RYR2: variants seen among roughly 807,000 people sequenced by gnomAD.
RYR2 encodes the protein cardiac muscle ryanodine receptor-calcium release channel.
A neutral mutation model predicts 601.1 loss-of-function variants in RYR2; 227 were observed. That is an observed-to-expected ratio of 0.38 (90% CI 0.34 to 0.42). The LOEUF (loss-of-function observed/expected upper bound fraction) is 0.42, where lower values mean the gene tolerates loss of function less well. Ranked by LOEUF, RYR2 falls within the 10% of genes least tolerant of loss-of-function variation. The pLI, the probability that RYR2 is intolerant of heterozygous loss-of-function variation, is 1.00. For missense variants in RYR2, 4,646 were observed against 6,156.5 expected (o/e 0.75, Z 8.21); for synonymous variants, 2,223 against 2,175.1 (o/e 1.02, Z -0.61).
chr1:237,817,888 C>T (rs541601909), intron 100 of RYR2, among the ~76,000 whole-genome samples: 1 of 152,274 alleles, frequency 6.6e-6, no homozygotes, highest in Non-Finnish European at 1.5e-5. Flanking sequence ...TCCATTAAGT[C>T]AGGGTATCTG....
intron 74 of RYR2, 73 bp downstream of exon 74, chr1:237,723,335 A>T (rs1689908940): frequency 8.1e-7 from 1 of 1,228,516 alleles, no homozygotes; most frequent in South Asian, 1.4e-5. Context: ...AATGTGTGTT[A>T]ATTTGTTAAC....
rs564513862 is a variant in RYR2 at position 237,354,620 on chromosome 1, C to T, written c.274-1345C>T. Reference sequence around the variant, plus strand: ...GCACAATTGCACTGTGCTGGACATGCCTTTTTTGCTTCTGTTTGCCCCAGG... The same window carrying T: ...GCACAATTGCACTGTGCTGGACATGTCTTTTTTGCTTCTGTTTGCCCCAGG... On this transcript the variant is annotated intron_variant, in intron 3 of 104. Transcript: ENST00000366574. Among the ~76,000 whole-genome samples the T allele has an allele frequency of 5.9e-5, 9 of 152,106 alleles. No individual in the cohort carries two copies. In the East Asian group the frequency reaches 1.6e-3, roughly 26 times the overall value.
At chr1:237,157,693 C>T (rs185487689) in intron 1 of RYR2, among the ~76,000 whole-genome samples, 26 of 152,058 alleles carry the variant, frequency 1.7e-4, no homozygotes, top group African/African-American at 4.8e-4. Context: ...ATTGATCTCA[C>T]GGAGATAGTG....
chr1:237,503,187 TA>T, intron 21 of RYR2, 101 bp from the exon 22 acceptor site: 1 of 1,037,942 alleles, frequency 9.6e-7, no homozygotes, highest in Non-Finnish European at 1.4e-6. Context: ...TGGCTTCTGA[TA>T]AAATACTTTT....
intron 1 of RYR2, among the ~76,000 whole-genome samples, chr1:237,161,357 GA>G (rs11302666): frequency 0.64 from 95,850 of 150,910 alleles, 30,447 homozygotes; most frequent in Non-Finnish European, 0.66. Flanking sequence ...AATTTTGGGG[GA>G]AAAAAAAAGA....
intron 23 of RYR2, among the ~76,000 whole-genome samples, chr1:237,508,734 C>CTTTTT (rs869044432): frequency 2.6e-5 from 2 of 77,640 alleles, no homozygotes; most frequent in Non-Finnish European, 5.0e-5. Context: ...TTCGGGTTTT[C>CTTTTT]TTTTTTTTTT....
intron 78 of RYR2, 52 bp downstream of exon 78, chr1:237,732,201 C>A (rs1271025018): frequency 9.6e-7 from 1 of 1,043,508 alleles, no homozygotes; most frequent in Non-Finnish European, 1.5e-6. Context: ...TAAAGACACC[C>A]GTGTCTGAGT....
rs759371969 is a variant in RYR2, at chr1:237,585,487, C to T, written c.3599-4306C>T. ...TCATGTACTGAACAAAGGGAGGTGA[C>T]GGAGGCCTGGCCCTTTCTCTGTGTG... On this transcript the variant is annotated intron_variant, in intron 29 of 104. Coordinates refer to ENST00000366574, the MANE Select transcript of RYR2 (RefSeq NM_001035.3). 3.9e-4 allele frequency among the ~76,000 whole-genome samples: 59 copies of T among 152,218 alleles called. 1 individual carries two copies. The highest frequency in any genetic ancestry group is 3.4e-3 in the Middle Eastern group (1 of 294).
chr1:237,508,474 A>C (rs1297107820), intron 23 of RYR2, among the ~76,000 whole-genome samples: 1 of 149,696 alleles, frequency 6.7e-6, no homozygotes, highest in Admixed American at 6.7e-5. Context: ...AAAAAAAAAC[A>C]AACAAAATGT....
At position 237,689,366 on chromosome 1, in the gene RYR2, G is replaced by T. The variant is rs115320084; in HGVS notation, c.9067+1862G>T. Reference sequence around the variant, plus strand: ...CCAAGACATAGAACGTTTCCAACATGCCAGGAGCCTCCCCTGTGTCATTTT... The same window carrying T: ...CCAAGACATAGAACGTTTCCAACATTCCAGGAGCCTCCCCTGTGTCATTTT... On this transcript the variant is annotated intron_variant, in intron 63 of 104. Transcript: ENST00000366574. Among the ~76,000 whole-genome samples, 395 of 152,280 alleles carry T rather than the reference G, an allele frequency of 2.6e-3. 2 individuals carry two copies. Among genetic ancestry groups the T allele is most frequent in the Middle Eastern group, 6.8e-3 (2 of 294 alleles).
intron 71 of RYR2, among the ~76,000 whole-genome samples, chr1:237,716,355 C>T (rs1689263326): frequency 6.6e-6 from 1 of 151,938 alleles, no homozygotes. Context: ...AAATATTTTT[C>T]ATTATCATTT....
intron 78 of RYR2, among the ~76,000 whole-genome samples, chr1:237,732,409 G>A (rs575979311): frequency 7.9e-5 from 12 of 152,256 alleles, no homozygotes; most frequent in Admixed American, 3.3e-4. Context: ...TTCTTCTTAT[G>A]AAATGGTTTT....
chr1:237,113,736 T>C (rs1481291178), intron 1 of RYR2, among the ~76,000 whole-genome samples: 1 of 152,164 alleles, frequency 6.6e-6, no homozygotes, highest in Admixed American at 6.6e-5. Flanking sequence ...AGCAAAGGGA[T>C]AGAGAGCTAC....
intron 95 of RYR2, among the ~76,000 whole-genome samples, chr1:237,794,408 A>C (rs1414358461): frequency 6.6e-6 from 1 of 152,180 alleles, no homozygotes; most frequent in African/African-American, 2.4e-5. Flanking sequence ...AATATATCTG[A>C]GTTATCAACT....
chr1:237,565,157 CTCTTTCTTTCTT>C (rs771045857), intron 27 of RYR2, among the ~76,000 whole-genome samples: 2,356 of 52,616 alleles, frequency 0.045, 68 homozygotes, highest in African/African-American at 0.072. Context: ...TTCTTTCTTT[CTCTTTCTTTCTT>C]TCTTTCTTTC....
intron 27 of RYR2, among the ~76,000 whole-genome samples, chr1:237,557,379 A>G (rs997214309): frequency 4.6e-5 from 7 of 152,226 alleles, no homozygotes; most frequent in African/African-American, 1.7e-4. Flanking sequence ...TAAAACCACC[A>G]AAGTAGGTAC....
intron 73 of RYR2, among the ~76,000 whole-genome samples, chr1:237,721,339 TC>T (rs1558286933): frequency 6.6e-6 from 1 of 152,184 alleles, no homozygotes; most frequent in Admixed American, 6.5e-5. Flanking sequence ...TATACAAAGC[TC>T]TATCTGTCTG....
intron 1 of RYR2, among the ~76,000 whole-genome samples, chr1:237,072,485 A>G (rs1664480844): frequency 6.6e-6 from 1 of 151,034 alleles, no homozygotes; most frequent in Non-Finnish European, 1.5e-5. Flanking sequence ...GCAAGGGTTC[A>G]TTAGAGATTT....
chr1:237,715,929 G>A (rs1395401466), intron 71 of RYR2, among the ~76,000 whole-genome samples: 4 of 152,018 alleles, frequency 2.6e-5, no homozygotes, highest in African/African-American at 7.2e-5. Flanking sequence ...TAATGAATGA[G>A]TCAATTTAAC....
Sources: allele counts gnomAD v4.1 joint callset (sites outside exome capture counted in the v4.1 genomes callset), GRCh38; gene constraint gnomAD v4.1.1; transcripts MANE v1.5; gene names NCBI Gene and HGNC (gene_info 2026-07-23, HGNC 2026-07-21).